The following UGT1A5 variants were observed in gnomAD, a reference collection of about 807,000 sequenced individuals.
UGT1A5 encodes the protein UDP-glucuronosyltransferase 1A5.
In UGT1A5, 29 loss-of-function variants were observed where a neutral mutation model predicts 40.3. The ratio of observed to expected loss-of-function variants is 0.72; its 90% CI spans 0.54 to 0.98. The LOEUF is 0.98. UGT1A5 is among the 50% of genes least tolerant of loss of function. The pLI is 0.00. For missense variants in UGT1A5, 678 were observed against 677.9 expected, an observed-to-expected ratio of 1.00 and a Z score of 0.00; for synonymous variants, 257 against 262.5, an observed-to-expected ratio of 0.98 and a Z score of 0.20.
intron 1 of UGT1A5, among the ~76,000 whole-genome samples, chr2:233,765,612 G>T (rs1698887269): frequency 2.0e-5 from 3 of 151,940 alleles, no homozygotes; most frequent in Admixed American, 6.6e-5. Flanking sequence ...GTGGCGGGGT[G>T]AGGGGTGAGG....
Position 233,772,408 on chromosome 2 carries a change from A to T in UGT1A5, c.1454A>T (p.Tyr485Phe). The T allele has an allele frequency of 6.2e-7, 1 of 1,614,210 alleles. No homozygotes were observed. Among genetic ancestry groups the T allele is most frequent in the Middle Eastern group, 1.6e-4 (1 of 6,062 alleles). ...CCCGCAGCCCACGACCTCACCTGGT[A>T]CCAGTACCATTCCTTGGACGTGATT... ...LRPAAHDLTW[Y>F]QYHSLDVIGF... Residue 485 changes from tyrosine to phenylalanine, a missense_variant, in exon 5 of 5, where the codon TAC (tyrosine) becomes TTC (phenylalanine). Transcript: ENST00000373414.
At chr2:233,720,751 G>C (rs2076887751) in intron 1 of UGT1A5, among the ~76,000 whole-genome samples, 1 of 150,928 alleles carries the variant, frequency 6.6e-6, no homozygotes, top group African/African-American at 2.4e-5. Context: ...TGTCGCCCAG[G>C]CTGGAGGGCA....
chr2:233,772,832 C>A lies in UGT1A5; in HGVS notation c.*273C>A. ...GAGGACGTGCAGACAGGCTGGCATT[C>A]TAGATTACTTTTCTTACTCTGAAAC... On this transcript the variant is annotated 3_prime_UTR_variant, in exon 5 of 5. Coordinates refer to ENST00000373414, the MANE Select transcript of UGT1A5 (RefSeq NM_019078.2). 1 of 899,518 alleles carries A rather than the reference C, an allele frequency of 1.1e-6. No homozygotes were observed. Among genetic ancestry groups the A allele is most frequent in the Non-Finnish European group, 1.5e-6 (1 of 646,888 alleles). The allele number at this position is 899,518 out of a possible 1,614,324, so 55.7% of individuals were successfully genotyped here.
chr2:233,733,404 C>T (rs2078393693), intron 1 of UGT1A5, among the ~76,000 whole-genome samples: 1 of 152,148 alleles, frequency 6.6e-6, no homozygotes, highest in African/African-American at 2.4e-5. Flanking sequence ...AAAGGGAATG[C>T]TTCCAGTTTT....
chr2:233,760,198 T>C (rs907119126), intron 1 of UGT1A5: 1 of 1,579,636 alleles, frequency 6.3e-7, no homozygotes, highest in Admixed American at 1.7e-5. Context: ...CGTGACACAG[T>C]CAAACATTAA....
chr2:233,747,592 C>G (rs1434418426), intron 1 of UGT1A5: 13 of 1,575,650 alleles, frequency 8.3e-6, no homozygotes, highest in Admixed American at 6.7e-5. Flanking sequence ...TTTCATAGGT[C>G]TTGTGTGGAG....
In UGT1A5 at chr2:233,751,878, G is replaced by T. The variant is rs139907629; in HGVS notation, c.868-15156G>T. On this transcript the variant is annotated intron_variant, in intron 1 of 4. Transcript: ENST00000373414. ...GTCTTTTATAAATTACCCCGTCTTG[G>T]GTATGTCTTTATAGCAGTGTGAGAA... Among the ~76,000 whole-genome samples the T allele has an allele frequency of 2.6e-5, 4 of 152,104 alleles. No homozygotes were observed. In the East Asian group the frequency reaches 7.7e-4, roughly 29 times the overall value.
rs1696612775 is a variant in UGT1A5 at position 233,757,546 on chromosome 2, A to ATACATATATATATC, written c.868-9486_868-9485insCATATATATATCTA. The stretch of plus-strand genomic sequence containing the variant: ...TCTTGCCTGTAAGGAATATATATAT[A>ATACATATATATATC]TATATATATATATATGTATATATGA... On this transcript the variant is annotated intron_variant, in intron 1 of 4. Transcript: ENST00000373414. Among the ~76,000 whole-genome samples the ATACATATATATATC allele has an allele frequency of 1.6e-5, 2 of 123,536 alleles. 1 individual carries two copies. The highest frequency in any genetic ancestry group is 3.5e-5 in the Non-Finnish European group (2 of 57,034). 81.0% of individuals were successfully genotyped at this position (123,536 alleles called of 152,430 possible).
intron 1 of UGT1A5, chr2:233,729,178 C>A (rs763464670): frequency 7.3e-5 from 117 of 1,613,756 alleles, no homozygotes; most frequent in Non-Finnish European, 9.8e-5. Context: ...AGGACTGCTG[C>A]TTCTCCTCAG....
At chr2:233,754,970 G>T (rs1695665422) in intron 1 of UGT1A5, 1 of 1,301,498 alleles carries the variant, frequency 7.7e-7, no homozygotes, top group Non-Finnish European at 1.0e-6. Context: ...AGAACTCCCT[G>T]AAGACCTCGG....
intron 1 of UGT1A5, among the ~76,000 whole-genome samples, chr2:233,723,536 TA>T (rs756280025): frequency 2.5e-5 from 3 of 121,442 alleles, no homozygotes; most frequent in African/African-American, 3.3e-5. Flanking sequence ...TTTTTTTTTT[TA>T]ATTTATTTTT....
intron 1 of UGT1A5, among the ~76,000 whole-genome samples, chr2:233,726,112 G>A (rs1457987990): frequency 6.6e-6 from 1 of 152,176 alleles, no homozygotes; most frequent in Non-Finnish European, 1.5e-5. Flanking sequence ...GCTGCAGTGT[G>A]CCATGTTCAC....
intron 1 of UGT1A5, chr2:233,729,392 T>A (rs1335672104): frequency 6.2e-7 from 1 of 1,613,876 alleles, no homozygotes; most frequent in Non-Finnish European, 8.5e-7. Flanking sequence ...CAGGATGAAT[T>A]TGATCGCCAT....
intron 1 of UGT1A5, chr2:233,719,612 C>T (rs147312289): frequency 3.1e-4 from 507 of 1,614,066 alleles, no homozygotes; most frequent in African/African-American, 5.3e-4. Flanking sequence ...TTGTGATGGA[C>T]TACCCCAGGC....
chr2:233,733,391 T>C lies in UGT1A5; in HGVS notation c.867+19533T>C, dbSNP rs547725287. Among the ~76,000 whole-genome samples the C allele has an allele frequency of 1.8e-4, 27 of 152,316 alleles. No homozygotes were observed. In the South Asian group the frequency reaches 5.6e-3, roughly 32 times the overall value. On this transcript the variant is annotated intron_variant, in intron 1 of 4. Coordinates refer to ENST00000373414, the MANE Select transcript of UGT1A5 (RefSeq NM_019078.2). Reference sequence around the variant, plus strand: ...AGGTCATCCTTGTTTTGTGCCAGTTTTCAAAGGGAATGCTTCCAGTTTTCG... The same window carrying C: ...AGGTCATCCTTGTTTTGTGCCAGTTCTCAAAGGGAATGCTTCCAGTTTTCG...
chr2:233,719,246 T>C (rs1449809732), intron 1 of UGT1A5: 8 of 1,614,096 alleles, frequency 5.0e-6, no homozygotes, highest in Non-Finnish European at 6.8e-6. Flanking sequence ...GGCACCTGAA[T>C]GCTACTTCCT....
At chr2:233,724,236 C>T (rs1274284123) in intron 1 of UGT1A5, among the ~76,000 whole-genome samples, 29 of 110,938 alleles carry the variant, frequency 2.6e-4, no homozygotes, top group East Asian at 8.5e-4. Flanking sequence ...TAGGGGCGGC[C>T]GGGCAGAGGC....
At chr2:233,759,578 C>T (rs1477020386) in intron 1 of UGT1A5, among the ~76,000 whole-genome samples, 1 of 151,810 alleles carries the variant, frequency 6.6e-6, no homozygotes, top group East Asian at 1.9e-4. Context: ...ATTCTCTACC[C>T]CAGCACGCCC....
At position 233,768,097 on chromosome 2, in the gene UGT1A5, T is replaced by C. The variant is rs1699562988; in HGVS notation, c.1088-123T>C. On this transcript the variant is annotated intron_variant, in intron 3 of 4. Transcript: ENST00000373414. ...GGGTATCTCAACCCACATTTTCTTC[T>C]GCAAATTTCTGCAAGGGCATGTGAG... The C allele has an allele frequency of 4.4e-6, 7 of 1,590,772 alleles. No homozygotes were observed. The Admixed American group carries it at 1.2e-4, about 28-fold the overall frequency.
Sources: gnomAD v4.1 joint callset for allele counts (sites outside exome capture counted in the v4.1 genomes callset) on GRCh38, gnomAD v4.1.1 for gene constraint, MANE v1.5 for transcripts, NCBI Gene and HGNC (gene_info 2026-07-23, HGNC 2026-07-21) for gene names.